Variants in POLE observed in about 807,000 individuals in gnomAD.
POLE encodes DNA polymerase epsilon catalytic subunit A.
A neutral mutation model predicts 279.2 loss-of-function variants in POLE; 188 were observed. That is an observed-to-expected ratio of 0.67 (90% CI 0.60 to 0.76). POLE has a LOEUF of 0.76. Ranked by LOEUF, POLE falls within the 30% of genes least tolerant of loss-of-function variation. The pLI, the probability that POLE is intolerant of heterozygous loss-of-function variation, is 0.00. For synonymous variants in POLE, 1,214 were observed against 1,172.5 expected (o/e 1.04, Z -0.72); for missense variants, 2,703 against 3,016.7 (o/e 0.90, Z 2.44).
chr12:132,681,906 C>T (rs542833260), intron 1 of POLE, among the ~76,000 whole-genome samples: 2 of 152,310 alleles, frequency 1.3e-5, no homozygotes, highest in African/African-American at 4.8e-5. Context: ...ATTGTCAGGC[C>T]AGGCACAGTG....
intron 20 of POLE, among the ~76,000 whole-genome samples, chr12:132,667,085 G>A (rs1230046550): frequency 6.6e-6 from 1 of 152,116 alleles, no homozygotes; most frequent in Non-Finnish European, 1.5e-5. Flanking sequence ...GATGAAATAC[G>A]TCAGTTAAAC....
At chr12:132,637,635 G>C (rs150510452) in intron 41 of POLE, among the ~76,000 whole-genome samples, 4 of 152,322 alleles carry the variant, frequency 2.6e-5, no homozygotes, top group African/African-American at 9.6e-5. Context: ...CACTCCACTC[G>C]CCAACACTGA....
chr12:132,642,686 C>T lies in POLE; in HGVS notation c.4772G>A (p.Trp1591Ter), dbSNP rs751256191. ...GPTLIAVQSS[W>*]ELKRLASEIP... The stretch of plus-strand genomic sequence containing the variant: ...TTCACTGGCCAGCCTCTTCAGCTCC[C>T]AGCTGGACTGAACAGCGATGAGTGT... The change falls in exon 37 of 49, where the codon TGG becomes TAG. Residue 1591 changes from tryptophan to a stop codon, truncating the protein, a stop_gained. Transcript: ENST00000320574. LOFTEE classifies it high-confidence loss of function. 6.2e-7 allele frequency: 1 copy of T among 1,613,932 alleles called. No individual in the cohort carries two copies. Among genetic ancestry groups the T allele is most frequent in the Non-Finnish European group, 8.5e-7 (1 of 1,180,038 alleles).
At position 132,652,929 on chromosome 12, in the gene POLE, C is replaced by A. The variant is rs2042455189; in HGVS notation, c.3583-3040G>T. Among the ~76,000 whole-genome samples the A allele has an allele frequency of 1.3e-5, 2 of 152,292 alleles. 1 individual carries two copies. The highest frequency in any genetic ancestry group is 4.1e-4 in the South Asian group (2 of 4,826). ...AATTTTAGGATTCGTCTGTCAAGTT[C>A]TATCCAAAAAGCTTTTGGCAGATTC... On this transcript the variant is annotated intron_variant, in intron 29 of 48. Coordinates refer to ENST00000320574, the MANE Select transcript of POLE (RefSeq NM_006231.4).
chr12:132,643,907 T>G lies in POLE; in HGVS notation c.4220A>C (p.Tyr1407Ser). 6.2e-7 allele frequency: 1 copy of G among 1,614,156 alleles called. No homozygotes were observed. Among genetic ancestry groups the G allele is most frequent in the Non-Finnish European group, 8.5e-7 (1 of 1,179,978 alleles). ...GTTGATCTCGTTGATGTGTTCCTGG[T>G]ACATGTCCTCTGGCACTGAATACTC... Reference protein sequence around the residue: ...LYEYSVPEDMYQEHINEINAE... With the variant: ...LYEYSVPEDMSQEHINEINAE... Residue 1407 changes from tyrosine to serine, a missense_variant, in exon 33 of 49, where the codon TAC becomes TCC. Tyr to Ser is a moderately radical substitution (Grantham distance 144, BLOSUM62 -2). Transcript: ENST00000320574.
chr12:132,680,019 G>C lies in POLE; in HGVS notation c.358C>G (p.Leu120Val), dbSNP rs888631588. 6 of 1,614,044 alleles carry C rather than the reference G, an allele frequency of 3.7e-6. No homozygotes were observed. Among genetic ancestry groups the C allele is most frequent in the Non-Finnish European group, 4.2e-6 (5 of 1,179,916 alleles). ...ATTTTGCCCTGAAACTTCTTGGAGA[G>C]AAAAGATGAAACTTCTCGCTCACAA... is the stretch of plus-strand genomic sequence containing the variant. ...KGCEREVSSF[L>V]SKKFQGKIAK... Residue 120 changes from leucine to valine, a missense_variant, in exon 5 of 49, where the codon CTC (leucine) becomes GTC (valine). Physicochemically the swap from Leu to Val is conservative, Grantham distance 32 (BLOSUM62 1). Around this residue, in one of 5 missense-constraint regions of POLE, gnomAD observed 1,011 missense variants for 1,111.7 expected, o/e 0.91. Coordinates refer to ENST00000320574, the MANE Select transcript of POLE (RefSeq NM_006231.4).
rs1190481472 is a variant in POLE, at chr12:132,659,204, G to A, written c.3275+91C>T. 22 of 1,344,214 alleles carry A rather than the reference G, an allele frequency of 1.6e-5. 1 individual carries two copies. Among genetic ancestry groups the A allele is most frequent in the Admixed American group, 1.6e-4 (8 of 49,506 alleles). The allele number at this position is 1,344,214 out of a possible 1,614,324, so 83.3% of individuals were successfully genotyped here. On this transcript the variant is annotated intron_variant, in intron 26 of 48. Coordinates refer to ENST00000320574, the MANE Select transcript of POLE (RefSeq NM_006231.4). The stretch of plus-strand genomic sequence containing the variant: ...GGCAGCCCTCACCTCTCTGTGATGA[G>A]GGGAGCCCTCACCTCTCCGTGACGG...
intron 41 of POLE, among the ~76,000 whole-genome samples, chr12:132,637,061 A>C (rs564561845): frequency 6.6e-6 from 1 of 152,342 alleles, no homozygotes; most frequent in East Asian, 1.9e-4. Flanking sequence ...ATTCTAGCCC[A>C]AGCCAGCTTT....
rs749117997 is a variant in POLE at position 132,676,548 on chromosome 12, G to A, written c.907C>T (p.Gln303Ter). 6.2e-7 allele frequency: 1 copy of A among 1,607,424 alleles called. No homozygotes were observed. Among genetic ancestry groups the A allele is most frequent in the African/African-American group, 1.3e-5 (1 of 74,898 alleles). The change falls in exon 9 of 49, where the codon CAG (glutamine) becomes TAG (stop). Residue 303 changes from glutamine to a stop codon, truncating the protein, a stop_gained and splice_region_variant. Transcript: ENST00000320574. LOFTEE classifies it high-confidence loss of function. ...CTTCCCAGAAGCCACCTGCTCACCTGGCCATCGATCATGTAGGAAATCATC... is the reference window on the plus strand; with the variant it reads ...CTTCCCAGAAGCCACCTGCTCACCTAGCCATCGATCATGTAGGAAATCATC... ...IMMISYMIDG[Q>*]GYLITNREIV...
At chr12:132,631,288 G>C (rs1479269800) in intron 45 of POLE, among the ~76,000 whole-genome samples, 1 of 152,176 alleles carries the variant, frequency 6.6e-6, no homozygotes. Flanking sequence ...AGGGTGTCAG[G>C]TGAGGAGGGC....
Position 132,659,501 on chromosome 12 carries a change from G to A in POLE, c.3069C>T (p.Asn1023=), listed in dbSNP as rs759786460. The change falls in exon 26 of 49, where the codon AAC becomes AAT. Residue 1023 remains asparagine, a synonymous_variant. Transcript: ENST00000320574. ...GCTCGAATAGCTCAGAGTCAGGCATGTTGGCTGCCTAGAGAAAGACAATGG... is the reference window on the plus strand; with the variant it reads ...GCTCGAATAGCTCAGAGTCAGGCATATTGGCTGCCTAGAGAAAGACAATGG... ...WLDVLYSKAA[N]MPDSELFELI... 15 of 1,613,838 alleles carry A rather than the reference G, an allele frequency of 9.3e-6. No individual in the cohort carries two copies. In the African/African-American group the frequency reaches 1.7e-4, roughly 19 times the overall value.
intron 25 of POLE, chr12:132,660,246 T>A (rs1210105656): frequency 6.5e-6 from 1 of 153,060 alleles, no homozygotes; most frequent in Non-Finnish European, 1.5e-5. Flanking sequence ...TGCACACATG[T>A]TCCTGACCAC....
intron 27 of POLE, 117 bp from the exon 28 acceptor site, chr12:132,657,546 C>T: frequency 1.1e-6 from 1 of 883,110 alleles, no homozygotes; most frequent in South Asian, 1.6e-5. Context: ...CTCAGAAACT[C>T]TATGATGAAA....
At chr12:132,648,403 G>A (rs753718185) in intron 32 of POLE, 1 of 152,144 alleles carries the variant, frequency 6.6e-6, no homozygotes, top group South Asian at 2.1e-4. Flanking sequence ...ATGCCCAGGT[G>A]ACGGGGTGAT....
At chr12:132,672,929 G>A in intron 14 of POLE, 90 bp from the exon 15 acceptor site, 2 of 1,213,650 alleles carry the variant, frequency 1.6e-6, no homozygotes, top group Non-Finnish European at 2.4e-6. Context: ...GAACTTCAGT[G>A]TGAAAGGAGA....
At chr12:132,652,492 C>T (rs980009393) in intron 29 of POLE, among the ~76,000 whole-genome samples, 2 of 151,570 alleles carry the variant, frequency 1.3e-5, no homozygotes, top group African/African-American at 2.4e-5. Context: ...TAATGTTGTG[C>T]CGGATTTTTT....
At chr12:132,659,053 T>C (rs2042617409) in intron 26 of POLE, among the ~76,000 whole-genome samples, 1 of 152,210 alleles carries the variant, frequency 6.6e-6, no homozygotes, top group Non-Finnish European at 1.5e-5. Context: ...AACTCTGGTA[T>C]AGTGTATCTC....
rs1555227427 is a variant in POLE at position 132,668,939 on chromosome 12, C to T, written c.1795G>A (p.Val599Met). The T allele has an allele frequency of 1.1e-5, 17 of 1,613,694 alleles. No individual in the cohort carries two copies. Among genetic ancestry groups the T allele is most frequent in the Non-Finnish European group, 1.3e-5 (15 of 1,179,686 alleles). Residue 599 changes from valine (V) to methionine (M), a missense_variant and splice_region_variant, in exon 17 of 49, where the codon GTG becomes ATG. Physicochemically the swap from Val to Met is conservative, Grantham distance 21. Coordinates refer to ENST00000320574, the MANE Select transcript of POLE (RefSeq NM_006231.4). The surrounding 1 kb of genome is among the most constrained non-coding windows in gnomAD (Gnocchi z 4.0). ...PVEQVTNFEE[V>M]CDEIKSKLAS... ...AGCTTGCTCTTAATCTCATCACACA[C>T]CTGCAGAGAAAGCGAAACTCAGTAG... is the stretch of plus-strand genomic sequence containing the variant.
rs369506007 is a variant in POLE, at chr12:132,679,522, C to T, written c.553G>A (p.Asp185Asn). 41 of 1,613,570 alleles carry T rather than the reference C, an allele frequency of 2.5e-5. No individual in the cohort carries two copies. The highest frequency in any genetic ancestry group is 1.8e-4 in the Admixed American group (11 of 59,980). The change falls in exon 6 of 49, where the codon GAC becomes AAC. Residue 185 changes from aspartate to asparagine, a missense_variant. Asp to Asn is a conservative substitution (Grantham distance 23). Transcript: ENST00000320574. ...CTGGAAAGCAGAGCTGTGTACGCGT[C>T]GCTGGCGTGATCCTGCTCCCTGTTC... Reference protein sequence around the residue: ...KKNREQDHASDAYTALLSSVL... With the variant: ...KKNREQDHASNAYTALLSSVL...
Sources: gnomAD v4.1 joint callset for allele counts (sites outside exome capture counted in the v4.1 genomes callset) on GRCh38, gnomAD v4.1.1 for gene constraint, gnomAD v4.1.1 regional missense constraint, Gnocchi (gnomAD v3.1) non-coding constraint, MANE v1.5 for transcripts, NCBI Gene and HGNC (gene_info 2026-07-23, HGNC 2026-07-21) for gene names.